Variants in PPP1R21 observed in about 807,000 individuals in gnomAD.
The protein encoded by PPP1R21 is protein phosphatase 1 regulatory subunit 21.
PPP1R21 carries 85 observed loss-of-function variants against 112.8 expected under a neutral mutation model. The observed-to-expected ratio is 0.75, with a 90% CI of 0.63 to 0.90. The LOEUF is 0.90. Among genes scored for constraint, PPP1R21 ranks in the 40% least tolerant of loss-of-function variants. The pLI, the probability that PPP1R21 is intolerant of heterozygous loss-of-function variation, is 0.00. For synonymous variants in PPP1R21, 381 were observed against 322.3 expected, an observed-to-expected ratio of 1.18 and a Z score of -1.95; for missense variants, 1,199 against 901.5, an observed-to-expected ratio of 1.33 and a Z score of -4.23.
chr2:48,442,816 A>G (rs1667092242), intron 1 of PPP1R21, among the ~76,000 whole-genome samples: 1 of 152,140 alleles, frequency 6.6e-6, no homozygotes, highest in Non-Finnish European at 1.5e-5. Flanking sequence ...TAGGAGAGAT[A>G]ATTTGGACCC....
At position 48,509,997 on chromosome 2, in the gene PPP1R21, T is replaced by C. The variant is rs1007616119; in HGVS notation, c.2086-18T>C. ...GAAAGTGCTCCCTCTAGTAATGGAA[T>C]GTTTTCTGATTTTACAGTGCCGAGC... On this transcript the variant is annotated intron_variant, in intron 19 of 21. Coordinates refer to ENST00000294952, the MANE Select transcript of PPP1R21 (RefSeq NM_001135629.3). The C allele has an allele frequency of 2.5e-6, 4 of 1,568,842 alleles. No homozygotes were observed. In the African/African-American group the frequency reaches 4.1e-5, roughly 16 times the overall value.
In PPP1R21 at chr2:48,498,475, A is replaced by G; in HGVS notation, c.1693-18A>G. 1 of 1,613,386 alleles carries G rather than the reference A, an allele frequency of 6.2e-7. No individual in the cohort carries two copies. The highest frequency in any genetic ancestry group is 8.5e-7 in the Non-Finnish European group (1 of 1,179,598). ...TCTGTATTAGTCTCTAAGATACAAC[A>G]CTCTGTTACTTTTCAAGGTTCAACA... On this transcript the variant is annotated intron_variant, in intron 16 of 21. Coordinates refer to ENST00000294952, the MANE Select transcript of PPP1R21 (RefSeq NM_001135629.3).
At chr2:48,479,057 A>T (rs776739834) in intron 12 of PPP1R21, among the ~76,000 whole-genome samples, 50 of 151,698 alleles carry the variant, frequency 3.3e-4, no homozygotes, top group Non-Finnish European at 5.3e-4. Context: ...TCAGGGTGGA[A>T]CTCCTGTTGA....
At position 48,483,258 on chromosome 2, in the gene PPP1R21, T is replaced by C. The variant is rs901443447; in HGVS notation, c.1318+3242T>C. ...CTCTGTCACCCAGGCTGGAGTGCAG[T>C]GCAACCTTTCCCTCCCAGGTTCAAG... On this transcript the variant is annotated intron_variant, in intron 13 of 21. Coordinates refer to ENST00000294952, the MANE Select transcript of PPP1R21 (RefSeq NM_001135629.3). 7.6e-5 allele frequency among the ~76,000 whole-genome samples: 10 copies of C among 131,820 alleles called. No homozygotes were observed. In the Admixed American group the frequency reaches 9.4e-4, roughly 12 times the overall value. 86.5% of individuals were successfully genotyped at this position (131,820 alleles called of 152,430 possible). A position where few individuals can be genotyped will look rare whatever the true frequency, so the allele number is the denominator to read the frequency against.
chr2:48,492,746 A>C (rs1669628052), intron 15 of PPP1R21, among the ~76,000 whole-genome samples: 1 of 152,202 alleles, frequency 6.6e-6, no homozygotes, highest in African/African-American at 2.4e-5. Flanking sequence ...CTATCTCCCT[A>C]TGTGAATTGC....
intron 14 of PPP1R21, among the ~76,000 whole-genome samples, chr2:48,487,169 C>G (rs1397478033): frequency 1.3e-5 from 2 of 152,026 alleles, no homozygotes; most frequent in Non-Finnish European, 2.9e-5. Context: ...CAATATAGAT[C>G]GTTGTGTATA....
Position 48,474,781 on chromosome 2 carries a change from A to G in PPP1R21, c.1187A>G (p.Glu396Gly), listed in dbSNP as rs1668676904. The G allele has an allele frequency of 6.2e-7, 1 of 1,613,764 alleles. No individual in the cohort carries two copies. The highest frequency in any genetic ancestry group is 1.3e-5 in the African/African-American group (1 of 74,930). Residue 396 changes from glutamate (E) to glycine (G), a missense_variant, in exon 12 of 22, where the codon GAG becomes GGG. Glu to Gly is a moderately conservative substitution (Grantham distance 98). Transcript: ENST00000294952. ...QDMKKMTAVFEKLQTYIALLA... is the reference protein window; with the variant it reads ...QDMKKMTAVFGKLQTYIALLA... ...ATGAAAAAAATGACAGCTGTGTTTGAGAAGCTGCAGACTTACATAGCTCTT... is the reference window on the plus strand; with the variant it reads ...ATGAAAAAAATGACAGCTGTGTTTGGGAAGCTGCAGACTTACATAGCTCTT...
At chr2:48,500,295 A>G (rs377711210) in intron 17 of PPP1R21, among the ~76,000 whole-genome samples, 59 of 152,298 alleles carry the variant, frequency 3.9e-4, no homozygotes, top group African/African-American at 1.3e-3. Context: ...TTACGCTCAC[A>G]TGTTTACAAA....
chr2:48,505,723 G>A lies in PPP1R21; in HGVS notation c.1968+127G>A, dbSNP rs1670345149. On this transcript the variant is annotated intron_variant, in intron 18 of 21. Coordinates refer to ENST00000294952, the MANE Select transcript of PPP1R21 (RefSeq NM_001135629.3). ...TTTTTTCCTGACACTTCTAGCAAAT[G>A]TGGAGCCAGTGTTTTCCACCTTCGT... 6.3e-6 allele frequency: 5 copies of A among 791,592 alleles called. No homozygotes were observed. In the South Asian group the frequency reaches 7.7e-5, roughly 12 times the overall value. 49.0% of individuals were successfully genotyped at this position (791,592 alleles called of 1,614,324 possible). A position where few individuals can be genotyped will look rare whatever the true frequency, so the allele number is the denominator to read the frequency against.
chr2:48,464,496 T>C (rs1668113435), intron 7 of PPP1R21, among the ~76,000 whole-genome samples: 1 of 152,136 alleles, frequency 6.6e-6, no homozygotes, highest in African/African-American at 2.4e-5. Context: ...GATTGAGTCA[T>C]TGGGATCCAC....
chr2:48,478,375 A>T (rs766676068), intron 12 of PPP1R21, among the ~76,000 whole-genome samples: 2 of 152,138 alleles, frequency 1.3e-5, no homozygotes, highest in Non-Finnish European at 2.9e-5. Context: ...CTTTAAACAC[A>T]TCTTCTAGTT....
intron 21 of PPP1R21, among the ~76,000 whole-genome samples, 155 bp from the exon 22 acceptor site, chr2:48,514,560 A>G (rs970066347): frequency 5.9e-5 from 9 of 152,236 alleles, no homozygotes; most frequent in Non-Finnish European, 1.3e-4. Context: ...CGATTATTGA[A>G]TAAAAGTTAA....
chr2:48,442,764 A>G (rs1445335797), intron 1 of PPP1R21, among the ~76,000 whole-genome samples: 1 of 152,192 alleles, frequency 6.6e-6, no homozygotes, highest in East Asian at 1.9e-4. Context: ...AAGCTCATTA[A>G]GATTAATGAG....
chr2:48,485,491 T>C (rs563727310), intron 13 of PPP1R21, among the ~76,000 whole-genome samples: 43 of 152,198 alleles, frequency 2.8e-4, no homozygotes, highest in African/African-American at 1.0e-3. Context: ...GTAGGAAAAA[T>C]TGGCTAAAGG....
chr2:48,440,932 C>T lies in PPP1R21; in HGVS notation c.-22C>T, dbSNP rs1004713837. 1.9e-6 allele frequency: 3 copies of T among 1,566,322 alleles called. No homozygotes were observed. Among genetic ancestry groups the T allele is most frequent in the South Asian group, 2.2e-5 (2 of 89,358 alleles). The stretch of plus-strand genomic sequence containing the variant: ...AGGCTGAGCCGCCTGGGCGGCCTGG[C>T]CTGTACGGGGCGGGGGAGGCCATGG... On this transcript the variant is annotated 5_prime_UTR_variant, in exon 1 of 22. Transcript: ENST00000294952.
chr2:48,456,888 T>C (rs1470491145), intron 3 of PPP1R21, among the ~76,000 whole-genome samples: 1 of 151,962 alleles, frequency 6.6e-6, no homozygotes. Context: ...CTGTCTCTAC[T>C]AAAAATACAA....
chr2:48,479,516 C>T (rs1457973159), intron 12 of PPP1R21: 1 of 475,716 alleles, frequency 2.1e-6, no homozygotes, highest in African/African-American at 2.0e-5. Context: ...CACAGAGCTC[C>T]TCACGCTGAC....
At chr2:48,487,657 T>A (rs10164898) in intron 14 of PPP1R21, among the ~76,000 whole-genome samples, 146,562 of 151,360 alleles carry the variant, frequency 0.97, 71,207 homozygotes, top group Middle Eastern at 1. Flanking sequence ...GCTACTTGGG[T>A]GGCTGAGGTA....
chr2:48,454,513 G>A (rs943249703), intron 2 of PPP1R21, 82 bp from the exon 3 acceptor site: 2 of 1,511,456 alleles, frequency 1.3e-6, no homozygotes, highest in African/African-American at 1.4e-5. Context: ...TTATATTTTG[G>A]TGAAATAGAA....
Sources: allele counts gnomAD v4.1 joint callset (sites outside exome capture counted in the v4.1 genomes callset), GRCh38; gene constraint gnomAD v4.1.1; transcripts MANE v1.5; gene names NCBI Gene and HGNC (gene_info 2026-07-23, HGNC 2026-07-21).